Variants in PRKCE observed in about 807,000 individuals in gnomAD.
PRKCE encodes the protein protein kinase C epsilon type.
PRKCE carries 16 observed loss-of-function variants against 85.4 expected under a neutral mutation model. The observed-to-expected ratio is 0.19, with a 90% CI of 0.13 to 0.28. PRKCE has a LOEUF of 0.28. PRKCE is among the 10% of genes least tolerant of loss of function. PRKCE has a pLI of 1.00. For synonymous variants in PRKCE, 388 were observed against 371.5 expected (o/e 1.04, Z -0.51); for missense variants, 573 against 975.2 (o/e 0.59, Z 5.49).
intron 2 of PRKCE, among the ~76,000 whole-genome samples, chr2:45,958,560 TCA>T (rs1009855381): frequency 6.7e-6 from 1 of 149,992 alleles, no homozygotes; most frequent in Admixed American, 6.6e-5. Context: ...CAACTCCCTT[TCA>T]CACTACAATC....
At chr2:46,040,862 G>T (rs774738395) in intron 10 of PRKCE, among the ~76,000 whole-genome samples, 1 of 152,066 alleles carries the variant, frequency 6.6e-6, no homozygotes, top group African/African-American at 2.4e-5. Context: ...TCTGAAAATC[G>T]CTGATTTCCA....
chr2:45,657,513 A>AATT (rs1197631834), intron 1 of PRKCE, among the ~76,000 whole-genome samples: 1 of 152,058 alleles, frequency 6.6e-6, no homozygotes, highest in African/African-American at 2.4e-5. Flanking sequence ...TATCTACTAT[A>AATT]ATTATTATTA....
chr2:45,795,916 G>GAGAGTATGATT (rs1687401970), intron 1 of PRKCE, among the ~76,000 whole-genome samples: 1 of 152,224 alleles, frequency 6.6e-6, no homozygotes, highest in Admixed American at 6.5e-5. Context: ...AGGCTTGACA[G>GAGAGTATGATT]CGCTTTTTCA....
At chr2:46,133,544 A>G (rs1674669851) in intron 11 of PRKCE, among the ~76,000 whole-genome samples, 1 of 152,226 alleles carries the variant, frequency 6.6e-6, no homozygotes, top group African/African-American at 2.4e-5. Context: ...TAGTCAATGA[A>G]TATATCAGTG....
chr2:45,669,787 T>G (rs1260491330), intron 1 of PRKCE, among the ~76,000 whole-genome samples: 7 of 152,078 alleles, frequency 4.6e-5, no homozygotes, highest in Non-Finnish European at 1.0e-4. Flanking sequence ...AAGGTGGGCG[T>G]ATCACTTGAT....
intron 14 of PRKCE, among the ~76,000 whole-genome samples, chr2:46,174,944 T>C (rs1199515754): frequency 6.6e-6 from 1 of 151,982 alleles, no homozygotes; most frequent in Non-Finnish European, 1.5e-5. Flanking sequence ...ACCTACCTTG[T>C]CCACCAGAAG....
At chr2:45,885,981 C>T (rs1265167284) in intron 2 of PRKCE, among the ~76,000 whole-genome samples, 1 of 152,236 alleles carries the variant, frequency 6.6e-6, no homozygotes, top group East Asian at 1.9e-4. Flanking sequence ...GTTAGACCCA[C>T]ACCTCCCCAG....
intron 14 of PRKCE, among the ~76,000 whole-genome samples, chr2:46,170,608 GT>G (rs1439180722): frequency 6.6e-6 from 1 of 152,204 alleles, no homozygotes; most frequent in African/African-American, 2.4e-5. Flanking sequence ...GATATACAGT[GT>G]TTTTTTCAGC....
intron 2 of PRKCE, among the ~76,000 whole-genome samples, chr2:45,959,683 CT>C: frequency 6.6e-6 from 1 of 152,178 alleles, no homozygotes; most frequent in Non-Finnish European, 1.5e-5. Context: ...CAGATACAAA[CT>C]TTTTGTTCCC....
At chr2:45,823,282 C>T (rs983253766) in intron 1 of PRKCE, among the ~76,000 whole-genome samples, 2 of 152,220 alleles carry the variant, frequency 1.3e-5, no homozygotes, top group African/African-American at 4.8e-5. Flanking sequence ...ACACCTGGAT[C>T]TATGAGAGTT....
At chr2:46,162,379 A>AAAGAGAG (rs1191330122) in intron 14 of PRKCE, among the ~76,000 whole-genome samples, 1 of 152,094 alleles carries the variant, frequency 6.6e-6, no homozygotes, top group Non-Finnish European at 1.5e-5. Context: ...TGGCAAAGAG[A>AAAGAGAG]AAGGATGGGG....
Position 45,662,437 on chromosome 2 carries a change from A to AT in PRKCE, c.348+9997dup, listed in dbSNP as rs957656250. 2.7e-4 allele frequency among the ~76,000 whole-genome samples: 41 copies of AT among 152,012 alleles called. 1 individual carries two copies. In the Middle Eastern group the frequency reaches 0.01, roughly 38 times the overall value. Reference sequence around the variant, plus strand: ...CACTTCTTCAGGACTGGATTGGCTAATTTTTTTTCTCTCTCTATGAAATGT... The same window carrying AT: ...CACTTCTTCAGGACTGGATTGGCTAATTTTTTTTTCTCTCTCTATGAAATGT... On this transcript the variant is annotated intron_variant, in intron 1 of 14. Coordinates refer to ENST00000306156, the MANE Select transcript of PRKCE (RefSeq NM_005400.3).
intron 1 of PRKCE, among the ~76,000 whole-genome samples, chr2:45,772,107 G>A (rs1685384242): frequency 7.1e-6 from 1 of 140,984 alleles, no homozygotes; most frequent in African/African-American, 2.5e-5. Context: ...TGTTCATCCT[G>A]GTTAAGTAGG....
At chr2:45,904,689 C>G (rs1696839901) in intron 2 of PRKCE, among the ~76,000 whole-genome samples, 1 of 152,202 alleles carries the variant, frequency 6.6e-6, no homozygotes, top group Non-Finnish European at 1.5e-5. Context: ...GAAAAAGAAT[C>G]AAACTAATCC....
intron 5 of PRKCE, among the ~76,000 whole-genome samples, chr2:45,984,234 G>A (rs960099048): frequency 6.6e-5 from 10 of 152,070 alleles, no homozygotes; most frequent in South Asian, 2.1e-4. Context: ...CACTGCACCC[G>A]GCCTGAGGTA....
In PRKCE at chr2:46,184,241, G is replaced by A. The variant is rs568354959; in HGVS notation, c.2068-494G>A. 1.1e-4 allele frequency among the ~76,000 whole-genome samples: 17 copies of A among 152,262 alleles called. No homozygotes were observed. In the South Asian group the frequency reaches 3.5e-3, roughly 32 times the overall value. On this transcript the variant is annotated intron_variant, in intron 14 of 14. Transcript: ENST00000306156. This position sits in a 1 kb window ranked among gnomAD's most constrained non-coding sequence, Gnocchi z 5.0. Reference sequence around the variant, plus strand: ...AATTGGGTTCGTGGTGAGAGTAAGTGGAAATCGAGGCAGGCTTGTGGAGAG... The same window carrying A: ...AATTGGGTTCGTGGTGAGAGTAAGTAGAAATCGAGGCAGGCTTGTGGAGAG...
chr2:45,682,612 G>A (rs756345368), intron 1 of PRKCE, among the ~76,000 whole-genome samples: 13 of 151,714 alleles, frequency 8.6e-5, no homozygotes, highest in Middle Eastern at 6.8e-3. Context: ...TTGAGATGGA[G>A]TTTCACTCTT....
intron 14 of PRKCE, among the ~76,000 whole-genome samples, chr2:46,172,375 C>G (rs1678995818): frequency 6.6e-6 from 1 of 152,232 alleles, no homozygotes; most frequent in Non-Finnish European, 1.5e-5. Flanking sequence ...CATCCATAAT[C>G]AGGTGGCCCC....
intron 2 of PRKCE, among the ~76,000 whole-genome samples, chr2:45,906,519 G>A (rs1262008621): frequency 1.3e-5 from 2 of 152,250 alleles, no homozygotes; most frequent in East Asian, 3.8e-4. Flanking sequence ...TCAAGGGCAG[G>A]GAAGAGGGGG....
Sources: allele counts gnomAD v4.1 joint callset (sites outside exome capture counted in the v4.1 genomes callset), GRCh38; gene constraint gnomAD v4.1.1; non-coding constraint Gnocchi (gnomAD v3.1); transcripts MANE v1.5; gene names NCBI Gene and HGNC (gene_info 2026-07-23, HGNC 2026-07-21).